Variants in NKAIN2 observed in about 807,000 individuals in gnomAD.
The protein encoded by NKAIN2 is sodium/potassium transporting ATPase interacting 2.
Under a neutral mutation model 32.6 loss-of-function variants are expected in NKAIN2, and 14 were observed. That is an observed-to-expected ratio of 0.43 (90% CI 0.28 to 0.67). NKAIN2 has a LOEUF of 0.67. NKAIN2 is among the 30% of genes least tolerant of loss of function. NKAIN2 has a pLI of 0.17. For missense variants in NKAIN2, 198 were observed against 258.3 expected, an observed-to-expected ratio of 0.77 and a Z score of 1.60; for synonymous variants, 80 against 87.2, an observed-to-expected ratio of 0.92 and a Z score of 0.46.
chr6:124,285,771 A>G (rs1374176721), intron 2 of NKAIN2, among the ~76,000 whole-genome samples: 4 of 152,144 alleles, frequency 2.6e-5, no homozygotes, highest in African/African-American at 2.4e-5. Flanking sequence ...CTTAACTCCA[A>G]TAGCCTACTA....
chr6:124,688,722 A>G (rs1774115840), intron 4 of NKAIN2, among the ~76,000 whole-genome samples: 1 of 152,056 alleles, frequency 6.6e-6, no homozygotes, highest in Non-Finnish European at 1.5e-5. Flanking sequence ...ATATAGTTGA[A>G]GTTATATGTT....
At chr6:124,610,117 G>T (rs1391450918) in intron 3 of NKAIN2, among the ~76,000 whole-genome samples, 3 of 152,108 alleles carry the variant, frequency 2.0e-5, no homozygotes, top group African/African-American at 7.2e-5. Flanking sequence ...CACCTACTCT[G>T]TAAAACATTC....
chr6:123,920,514 A>C (rs962021903), intron 1 of NKAIN2, among the ~76,000 whole-genome samples: 4 of 152,134 alleles, frequency 2.6e-5, no homozygotes, highest in African/African-American at 7.2e-5. Flanking sequence ...CATATTTTCC[A>C]TGTGAGAAAT....
intron 1 of NKAIN2, among the ~76,000 whole-genome samples, chr6:124,075,897 G>A (rs1783676951): frequency 6.6e-6 from 1 of 152,162 alleles, no homozygotes; most frequent in African/African-American, 2.4e-5. Flanking sequence ...CGCCCAGCAT[G>A]TATGGCACTT....
chr6:124,342,987 C>G (rs1460373541), intron 2 of NKAIN2, among the ~76,000 whole-genome samples: 1 of 113,764 alleles, frequency 8.8e-6, no homozygotes, highest in Non-Finnish European at 1.7e-5. Context: ...CCCCCTCCCC[C>G]CACCCCACAA....
In NKAIN2 at chr6:123,948,464, G is replaced by T. The variant is rs141715562; in HGVS notation, c.54+144210G>T. ...CTTTTTAATAAAATAATTTTAACTA[G>T]AGTAAGATGATATCTCATTGTGGTT... On this transcript the variant is annotated intron_variant, in intron 1 of 6. Transcript: ENST00000368417. Among the ~76,000 whole-genome samples, 413 of 151,922 alleles carry T rather than the reference G, an allele frequency of 2.7e-3. 1 individual carries two copies. Among genetic ancestry groups the T allele is most frequent in the Middle Eastern group, 0.01 (3 of 294 alleles).
intron 1 of NKAIN2, among the ~76,000 whole-genome samples, chr6:124,282,403 T>G (rs977884970): frequency 1.3e-5 from 2 of 152,152 alleles, no homozygotes; most frequent in African/African-American, 4.8e-5. Flanking sequence ...ACAACACTAT[T>G]AGAACTAGAA....
At chr6:124,473,948 T>A (rs549971618) in intron 3 of NKAIN2, among the ~76,000 whole-genome samples, 1 of 152,300 alleles carries the variant, frequency 6.6e-6, no homozygotes, top group East Asian at 1.9e-4. Context: ...ATTATTCAGG[T>A]GCTGCTAACC....
chr6:124,464,386 A>AT lies in NKAIN2; in HGVS notation c.273+109047dup, dbSNP rs1254428991. Among the ~76,000 whole-genome samples, 6 of 150,112 alleles carry AT rather than the reference A, an allele frequency of 4.0e-5. No homozygotes were observed. The South Asian group carries it at 6.3e-4, about 16-fold the overall frequency. ...ATTGTGTCAAGAAGTCATTATTGCC[A>AT]TTTTTTTTACTTTCATGGTAAAAAT... On this transcript the variant is annotated intron_variant, in intron 3 of 6. Transcript: ENST00000368417.
At chr6:123,931,302 C>G (rs1011334553) in intron 1 of NKAIN2, among the ~76,000 whole-genome samples, 3 of 152,186 alleles carry the variant, frequency 2.0e-5, no homozygotes. Flanking sequence ...TTCTTGGTCC[C>G]TTTTTTTACC....
chr6:124,384,904 T>G (rs1772825400), intron 3 of NKAIN2, among the ~76,000 whole-genome samples: 1 of 152,168 alleles, frequency 6.6e-6, no homozygotes, highest in Non-Finnish European at 1.5e-5. Context: ...ATTAAAGGCT[T>G]GAGCCACTCT....
intron 1 of NKAIN2, among the ~76,000 whole-genome samples, chr6:124,010,327 A>G (rs1218243563): frequency 6.6e-6 from 1 of 152,124 alleles, no homozygotes; most frequent in African/African-American, 2.4e-5. Context: ...TCAAAGTTAT[A>G]GAAAGTGTGT....
chr6:124,101,867 T>C (rs1784906936), intron 1 of NKAIN2, among the ~76,000 whole-genome samples: 2 of 151,814 alleles, frequency 1.3e-5, no homozygotes, highest in African/African-American at 4.8e-5. Flanking sequence ...TGAAGGAAAA[T>C]GATGTGGCCA....
At chr6:124,679,162 C>T (rs1583631582) in intron 4 of NKAIN2, among the ~76,000 whole-genome samples, 1 of 152,196 alleles carries the variant, frequency 6.6e-6, no homozygotes, top group African/African-American at 2.4e-5. Flanking sequence ...AAAAATAATC[C>T]TGAATATTGC....
intron 1 of NKAIN2, among the ~76,000 whole-genome samples, chr6:124,265,983 C>T (rs2753142): frequency 0.32 from 47,896 of 151,944 alleles, 8,859 homozygotes; most frequent in African/African-American, 0.5. Context: ...CCCAAAACTC[C>T]GAGATTAAAA....
intron 3 of NKAIN2, among the ~76,000 whole-genome samples, chr6:124,403,484 C>A (rs1421969128): frequency 6.6e-6 from 1 of 152,064 alleles, no homozygotes; most frequent in Non-Finnish European, 1.5e-5. Flanking sequence ...AGTTATTCTC[C>A]AAAGTTATTT....
chr6:124,712,015 G>GT (rs1775500546), intron 4 of NKAIN2, among the ~76,000 whole-genome samples: 1 of 152,016 alleles, frequency 6.6e-6, no homozygotes, highest in South Asian at 2.1e-4. Context: ...TGTTCTTTCT[G>GT]TTTGTTAGTT....
intron 1 of NKAIN2, among the ~76,000 whole-genome samples, chr6:124,037,457 T>C (rs1478305873): frequency 2.6e-5 from 4 of 152,162 alleles, no homozygotes; most frequent in Admixed American, 1.3e-4. Flanking sequence ...TGTCATTTTT[T>C]TCTGTCAGAG....
At chr6:124,392,683 T>A (rs1773194317) in intron 3 of NKAIN2, among the ~76,000 whole-genome samples, 2 of 152,116 alleles carry the variant, frequency 1.3e-5, no homozygotes, top group Non-Finnish European at 1.5e-5. Flanking sequence ...AGTGTATTTA[T>A]GATAGAAAAA....
Sources: gnomAD v4.1 joint callset for allele counts (sites outside exome capture counted in the v4.1 genomes callset) on GRCh38, gnomAD v4.1.1 for gene constraint, MANE v1.5 for transcripts, NCBI Gene and HGNC (gene_info 2026-07-23, HGNC 2026-07-21) for gene names.